Variants in PDE4D observed in about 807,000 individuals in gnomAD.
PDE4D encodes the protein phosphodiesterase 4D.
PDE4D carries 24 observed loss-of-function variants against 87.4 expected under a neutral mutation model. The ratio of observed to expected loss-of-function variants is 0.27; its 90% CI spans 0.20 to 0.39. The LOEUF is 0.39. Among genes scored for constraint, PDE4D ranks in the 10% least tolerant of loss-of-function variants. PDE4D has a pLI of 1.00. For missense variants in PDE4D, 714 were observed against 1,041.0 expected, an observed-to-expected ratio of 0.69 and a Z score of 4.32; for synonymous variants, 384 against 383.2, an observed-to-expected ratio of 1.00 and a Z score of -0.02.
chr5:60,272,189 A>C (rs1562276995), intron 1 of PDE4D, among the ~76,000 whole-genome samples: 1 of 152,242 alleles, frequency 6.6e-6, no homozygotes, highest in Non-Finnish European at 1.5e-5. Flanking sequence ...TATGCTCTGC[A>C]GATTGCTAAA....
chr5:59,484,813 A>C (rs764992001), intron 1 of PDE4D, among the ~76,000 whole-genome samples: 8 of 152,270 alleles, frequency 5.3e-5, no homozygotes, highest in African/African-American at 1.9e-4. Context: ...CCATTTAGTC[A>C]TTTGTTTCAC....
intron 1 of PDE4D, among the ~76,000 whole-genome samples, chr5:59,462,618 G>A (rs1800941775): frequency 1.3e-5 from 2 of 152,140 alleles, no homozygotes; most frequent in Non-Finnish European, 2.9e-5. Context: ...CAGATGGAGG[G>A]CCCTTGCAGG....
At chr5:60,419,330 T>C (rs1488160176) in intron 1 of PDE4D, among the ~76,000 whole-genome samples, 2 of 152,062 alleles carry the variant, frequency 1.3e-5, no homozygotes, top group Non-Finnish European at 2.9e-5. Flanking sequence ...TTAATATGTA[T>C]AGCCTCCAAG....
chr5:60,503,547 A>G (rs1344893669), intron 1 of PDE4D, among the ~76,000 whole-genome samples: 1 of 152,066 alleles, frequency 6.6e-6, no homozygotes, highest in African/African-American at 2.4e-5. Flanking sequence ...GTCCTTTATT[A>G]TATGAAAGTG....
intron 11 of PDE4D, among the ~76,000 whole-genome samples, chr5:58,982,244 G>A (rs1181266445): frequency 2.0e-5 from 3 of 152,172 alleles, no homozygotes; most frequent in Admixed American, 2.0e-4. Flanking sequence ...CATATTGGAT[G>A]CTGATTCAGA....
chr5:59,760,994 CATT>C lies in PDE4D; in HGVS notation c.455+132171_455+132173del, dbSNP rs566865985. Among the ~76,000 whole-genome samples, 54 of 152,254 alleles carry C rather than the reference CATT, an allele frequency of 3.5e-4. No homozygotes were observed. The South Asian group carries it at 0.011, about 32-fold the overall frequency. ...TTATTCTAAGTTCTGAGAAATGTGT[CATT>C]AGGCAATTTCATCATTGTGCAGACA... On this transcript the variant is annotated intron_variant, in intron 1 of 14. Transcript: ENST00000340635.
intron 2 of PDE4D, among the ~76,000 whole-genome samples, chr5:60,184,014 A>C (rs990653932): frequency 5.3e-5 from 8 of 152,172 alleles, no homozygotes; most frequent in Non-Finnish European, 1.0e-4. Flanking sequence ...CATTTTGACA[A>C]ATGTAGGCAA....
chr5:59,785,349 T>G (rs1431815709), intron 1 of PDE4D, among the ~76,000 whole-genome samples: 1 of 152,220 alleles, frequency 6.6e-6, no homozygotes, highest in Non-Finnish European at 1.5e-5. Context: ...GACCATAATA[T>G]TTCTAAAAAT....
intron 5 of PDE4D, among the ~76,000 whole-genome samples, chr5:59,103,477 A>G (rs1171440168): frequency 6.8e-6 from 1 of 147,478 alleles, no homozygotes; most frequent in Non-Finnish European, 1.5e-5. Context: ...GATTTCTTCC[A>G]GTCTTAAAAA....
chr5:60,483,580 T>G (rs1210433308), intron 1 of PDE4D, among the ~76,000 whole-genome samples: 1 of 152,120 alleles, frequency 6.6e-6, no homozygotes, highest in Non-Finnish European at 1.5e-5. Flanking sequence ...GCTGAATAAA[T>G]AAATTCCTAT....
chr5:60,246,210 T>C (rs563460871), intron 1 of PDE4D, among the ~76,000 whole-genome samples: 2 of 151,952 alleles, frequency 1.3e-5, no homozygotes, highest in Non-Finnish European at 2.9e-5. Context: ...ATGAATTTAA[T>C]TAATATTAAC....
intron 1 of PDE4D, chr5:59,703,606 A>C (rs756179850): frequency 3.9e-5 from 21 of 534,384 alleles, no homozygotes; most frequent in Non-Finnish European, 7.7e-5. Flanking sequence ...TTCACAATGA[A>C]ATGTTTCTAC....
At chr5:59,714,735 T>C (rs577969180) in intron 1 of PDE4D, among the ~76,000 whole-genome samples, 2 of 152,246 alleles carry the variant, frequency 1.3e-5, no homozygotes, top group African/African-American at 2.4e-5. Flanking sequence ...CAGGGATATA[T>C]GCATAGCCCC....
intron 1 of PDE4D, among the ~76,000 whole-genome samples, chr5:59,514,145 G>A (rs536741329): frequency 4.2e-4 from 62 of 148,172 alleles, no homozygotes; most frequent in African/African-American, 1.5e-3. Context: ...TTGCTCTGTC[G>A]CTCAGGCTGG....
At chr5:60,240,592 G>C (rs1341946653) in intron 1 of PDE4D, among the ~76,000 whole-genome samples, 1 of 152,138 alleles carries the variant, frequency 6.6e-6, no homozygotes, top group Non-Finnish European at 1.5e-5. Flanking sequence ...CCAGTGCTAT[G>C]CTGGCTTCAA....
intron 2 of PDE4D, among the ~76,000 whole-genome samples, chr5:60,104,236 G>A (rs182256843): frequency 1.5e-3 from 223 of 152,338 alleles, no homozygotes; most frequent in African/African-American, 4.5e-3. Context: ...AGGGTCCTAC[G>A]CCCACAGAGT....
At chr5:59,328,729 A>G (rs1025537271) in intron 1 of PDE4D, among the ~76,000 whole-genome samples, 4 of 152,224 alleles carry the variant, frequency 2.6e-5, no homozygotes, top group Admixed American at 6.5e-5. Flanking sequence ...ATTTAAAAAA[A>G]TCACTTTCAC....
chr5:59,069,512 CTT>C (rs61429511), intron 5 of PDE4D, among the ~76,000 whole-genome samples: 5 of 142,554 alleles, frequency 3.5e-5, no homozygotes, highest in African/African-American at 1.0e-4. Context: ...GAACAAGAAG[CTT>C]TTTTTTTTTT....
intron 1 of PDE4D, chr5:59,768,540 A>C: frequency 6.3e-7 from 1 of 1,594,636 alleles, no homozygotes; most frequent in Non-Finnish European, 8.5e-7. Flanking sequence ...AGCTGGCAAG[A>C]ATCCAGGGCA....
Sources: gnomAD v4.1 joint callset for allele counts (sites outside exome capture counted in the v4.1 genomes callset) on GRCh38, gnomAD v4.1.1 for gene constraint, MANE v1.5 for transcripts, NCBI Gene and HGNC (gene_info 2026-07-23, HGNC 2026-07-21) for gene names.